PKIB: variants seen among roughly 807,000 people sequenced by gnomAD.
PKIB encodes the protein cAMP-dependent protein kinase inhibitor beta, also known as PKI-beta.
A neutral mutation model predicts 4.5 loss-of-function variants in PKIB; 2 were observed. The observed-to-expected ratio is 0.44, with a 90% CI of 0.18 to 1.39. PKIB has a LOEUF of 1.39. PKIB is among the 40% of genes most tolerant of loss of function. PKIB has a pLI of 0.27. For missense variants in PKIB, 94 were observed against 92.6 expected, an observed-to-expected ratio of 1.02 and a Z score of -0.06; for synonymous variants, 38 against 36.0, an observed-to-expected ratio of 1.06 and a Z score of -0.20.
chr6:122,670,501 G>GTTT (rs1366929734), intron 2 of PKIB, among the ~76,000 whole-genome samples: 21 of 49,468 alleles, frequency 4.2e-4, no homozygotes, highest in African/African-American at 2.3e-3. Flanking sequence ...ACATGTTTTT[G>GTTT]TTGTTGTTGT....
At chr6:122,718,056 T>G (rs34684181) in intron 4 of PKIB, 93 bp downstream of exon 4, 462,851 of 1,261,174 alleles carry the variant, frequency 0.37, 92,135 homozygotes, top group Non-Finnish European at 0.41. Context: ...TAGTTAAAAG[T>G]GCTCAGTTTC....
intron 2 of PKIB, among the ~76,000 whole-genome samples, chr6:122,667,629 T>G (rs1478141607): frequency 6.6e-6 from 1 of 152,210 alleles, no homozygotes; most frequent in African/African-American, 2.4e-5. Context: ...TTGAGGATTA[T>G]AATATAGGTA....
intron 2 of PKIB, among the ~76,000 whole-genome samples, chr6:122,508,633 A>G (rs774908778): frequency 5.9e-5 from 9 of 152,176 alleles, no homozygotes; most frequent in Non-Finnish European, 1.0e-4. Flanking sequence ...AGCTGTTTGT[A>G]AAGAGTTGAA....
intron 3 of PKIB, among the ~76,000 whole-genome samples, chr6:122,694,906 ACT>A (rs1335458121): frequency 1.3e-5 from 2 of 152,194 alleles, no homozygotes; most frequent in African/African-American, 4.8e-5. Flanking sequence ...GATTTGTCTT[ACT>A]GTATAGAAAT....
chr6:122,559,482 T>G (rs1257546947), intron 2 of PKIB, among the ~76,000 whole-genome samples: 31 of 152,134 alleles, frequency 2.0e-4, no homozygotes, highest in Admixed American at 2.0e-3. Context: ...GTGTGATGCC[T>G]TCAGATTTGG....
At chr6:122,573,010 C>T (rs1773415482) in intron 2 of PKIB, among the ~76,000 whole-genome samples, 1 of 151,964 alleles carries the variant, frequency 6.6e-6, no homozygotes, top group African/African-American at 2.4e-5. Context: ...AATTTCAGGA[C>T]CAGATGGATT....
chr6:122,587,346 G>A (rs1486631212), intron 3 of PKIB, among the ~76,000 whole-genome samples: 1 of 152,148 alleles, frequency 6.6e-6, no homozygotes, highest in African/African-American at 2.4e-5. Context: ...TCCCTACAAA[G>A]GACATGAACT....
intron 1 of PKIB, among the ~76,000 whole-genome samples, chr6:122,611,905 A>T (rs1206855755): frequency 6.6e-6 from 1 of 152,204 alleles, no homozygotes; most frequent in East Asian, 1.9e-4. Context: ...TTTGCTAAAA[A>T]GGTGTTTTGG....
intron 2 of PKIB, among the ~76,000 whole-genome samples, chr6:122,523,969 ATGAAAAT>A (rs1354888421): frequency 2.0e-5 from 3 of 152,152 alleles, no homozygotes; most frequent in Non-Finnish European, 4.4e-5. Context: ...TCATAGCAGT[ATGAAAAT>A]TGACCAGTAC....
At chr6:122,529,576 G>C (rs1777192737) in intron 2 of PKIB, among the ~76,000 whole-genome samples, 1 of 152,070 alleles carries the variant, frequency 6.6e-6, no homozygotes, top group Admixed American at 6.6e-5. Context: ...CAACTTGAAG[G>C]GCACCTGTTA....
At chr6:122,566,054 C>CT (rs147444833) in intron 2 of PKIB, among the ~76,000 whole-genome samples, 29,347 of 149,850 alleles carry the variant, frequency 0.2, 3,058 homozygotes, top group African/African-American at 0.26. Flanking sequence ...AAGAAGCTAT[C>CT]TTTTTTTTTT....
intron 2 of PKIB, among the ~76,000 whole-genome samples, chr6:122,525,691 A>C (rs1383201468): frequency 1.3e-5 from 2 of 152,202 alleles, no homozygotes; most frequent in Non-Finnish European, 2.9e-5. Flanking sequence ...AAAAATGCTG[A>C]TGATTATCTG....
chr6:122,723,617 C>A (rs1023670301), intron 4 of PKIB, among the ~76,000 whole-genome samples: 1 of 152,064 alleles, frequency 6.6e-6, no homozygotes, highest in African/African-American at 2.4e-5. Context: ...ATTTTCTCTA[C>A]CACTGTCCCG....
chr6:122,525,926 C>A (rs1777080407), intron 2 of PKIB, among the ~76,000 whole-genome samples: 1 of 152,150 alleles, frequency 6.6e-6, no homozygotes, highest in Admixed American at 6.6e-5. Context: ...TAGTAGAATT[C>A]TCTTAAAATT....
intron 2 of PKIB, among the ~76,000 whole-genome samples, chr6:122,573,106 T>G (rs1773417734): frequency 6.6e-6 from 1 of 152,158 alleles, no homozygotes; most frequent in African/African-American, 2.4e-5. Flanking sequence ...GAATCCTCCC[T>G]AAGTTATTCT....
At chr6:122,615,521 A>G (rs1250834061) in intron 1 of PKIB, among the ~76,000 whole-genome samples, 1 of 152,188 alleles carries the variant, frequency 6.6e-6, no homozygotes, top group Non-Finnish European at 1.5e-5. Flanking sequence ...AGGTTTAAGA[A>G]TGGGGCGACT....
At chr6:122,679,904 A>G (rs1777828384) in intron 3 of PKIB, among the ~76,000 whole-genome samples, 1 of 152,228 alleles carries the variant, frequency 6.6e-6, no homozygotes, top group Non-Finnish European at 1.5e-5. Context: ...AGTGCCTTGT[A>G]TAAGGTCCCT....
At chr6:122,629,778 T>TC (rs1410946247) in intron 1 of PKIB, among the ~76,000 whole-genome samples, 1 of 151,864 alleles carries the variant, frequency 6.6e-6, no homozygotes, top group East Asian at 1.9e-4. Context: ...ACCAGGCAAA[T>TC]CCCAATTGAA....
chr6:122,543,355 C>CT lies in PKIB; in HGVS notation c.-247-42549dup, dbSNP rs34068830. Among the ~76,000 whole-genome samples, 1,034 of 138,756 alleles carry CT rather than the reference C, an allele frequency of 7.5e-3. 11 individuals are homozygous for CT. The highest frequency in any genetic ancestry group is 0.018 in the African/African-American group (667 of 37,206). The allele number at this position is 138,756 out of a possible 152,430, so 91.0% of individuals were successfully genotyped here. A position where few individuals can be genotyped will look rare whatever the true frequency, so the allele number is the denominator to read the frequency against. Reference sequence around the variant, plus strand: ...TCGGCCATCTTGGCCCCACCCCCTCCTTTTTTTTTTTTTTTTTGTTTGTTT... The same window carrying CT: ...TCGGCCATCTTGGCCCCACCCCCTCCTTTTTTTTTTTTTTTTTTGTTTGTTT... On this transcript the variant is annotated intron_variant, in intron 2 of 6. Transcript: ENST00000392491.
Sources: gnomAD v4.1 joint callset for allele counts (sites outside exome capture counted in the v4.1 genomes callset) on GRCh38, gnomAD v4.1.1 for gene constraint, MANE v1.5 for transcripts, NCBI Gene and HGNC (gene_info 2026-07-23, HGNC 2026-07-21) for gene names.